ADK: variants seen among roughly 807,000 people sequenced by gnomAD.
The protein encoded by ADK is adenosine kinase.
In ADK, 24 loss-of-function variants were observed where a neutral mutation model predicts 44.7. The observed-to-expected ratio is 0.54, with a 90% CI of 0.39 to 0.76. The LOEUF (loss-of-function observed/expected upper bound fraction) is 0.76, where lower values mean the gene tolerates loss of function less well. Among genes scored for constraint, ADK ranks in the 30% least tolerant of loss-of-function variants. The probability of loss-of-function intolerance (pLI) is 0.00; values close to 1 mark genes in which losing one functional copy is unlikely to be tolerated. For synonymous variants in ADK, 128 were observed against 142.6 expected, an observed-to-expected ratio of 0.90 and a Z score of 0.73; for missense variants, 321 against 425.1, an observed-to-expected ratio of 0.76 and a Z score of 2.15.
At position 74,394,279 on chromosome 10, in the gene ADK, G is replaced by C; in HGVS notation, c.412G>C (p.Gly138Arg). 6.2e-7 allele frequency: 1 copy of C among 1,614,012 alleles called. No individual in the cohort carries two copies. ...HYYEQNEQPT[G>R]TCAACITGDN... ...CTACGAGCAGAATGAGCAGCCAACA[G>C]GAACTTGTGCTGCATGCATCACTGG... The change falls in exon 5 of 11, where the codon GGA (glycine) becomes CGA (arginine). Residue 138 changes from glycine to arginine, a missense_variant. Physicochemically the swap from Gly to Arg is moderately radical, Grantham distance 125. Coordinates refer to ENST00000539909, the MANE Select transcript of ADK (RefSeq NM_006721.4).
At chr10:74,561,396 C>G (rs1052675445) in intron 7 of ADK, among the ~76,000 whole-genome samples, 1 of 151,954 alleles carries the variant, frequency 6.6e-6, no homozygotes, top group Non-Finnish European at 1.5e-5. Flanking sequence ...AGGAAAGACA[C>G]AATGAAAAGA....
At chr10:74,233,702 A>G (rs1288326486) in intron 3 of ADK, among the ~76,000 whole-genome samples, 1 of 152,208 alleles carries the variant, frequency 6.6e-6, no homozygotes, top group African/African-American at 2.4e-5. Context: ...GGTTTAGATT[A>G]GTGCTTTTCT....
chr10:74,262,161 G>T (rs533309987), intron 3 of ADK, among the ~76,000 whole-genome samples: 9 of 151,952 alleles, frequency 5.9e-5, no homozygotes, highest in Non-Finnish European at 1.3e-4. Flanking sequence ...TCTACTAAAA[G>T]TACAAAAATT....
intron 6 of ADK, among the ~76,000 whole-genome samples, chr10:74,524,454 G>A (rs946540872): frequency 1.3e-5 from 2 of 152,120 alleles, no homozygotes; most frequent in African/African-American, 4.8e-5. Flanking sequence ...GTGCAGTGGT[G>A]TCATCTCGGC....
At chr10:74,475,085 A>C (rs1353186563) in intron 6 of ADK, among the ~76,000 whole-genome samples, 1 of 152,132 alleles carries the variant, frequency 6.6e-6, no homozygotes, top group Non-Finnish European at 1.5e-5. Flanking sequence ...AGTTCACGCC[A>C]CTGCACTCCA....
At chr10:74,691,432 C>T (rs1230992875) in intron 10 of ADK, among the ~76,000 whole-genome samples, 1 of 152,160 alleles carries the variant, frequency 6.6e-6, no homozygotes, top group African/African-American at 2.4e-5. Flanking sequence ...ATTAGCTTGT[C>T]ACTACTATAC....
At chr10:74,541,862 T>C (rs905383266) in intron 7 of ADK, among the ~76,000 whole-genome samples, 9 of 140,424 alleles carry the variant, frequency 6.4e-5, no homozygotes, top group African/African-American at 2.4e-4. Context: ...TGCGTTATAC[T>C]AAGATTTTAG....
At chr10:74,401,985 T>C (rs1003905113) in intron 6 of ADK, among the ~76,000 whole-genome samples, 2 of 152,228 alleles carry the variant, frequency 1.3e-5, no homozygotes, top group Non-Finnish European at 2.9e-5. Flanking sequence ...ATTTTATTTC[T>C]CCTTCACTTA....
chr10:74,583,985 G>A (rs1473016801), intron 7 of ADK, among the ~76,000 whole-genome samples: 1 of 152,128 alleles, frequency 6.6e-6, no homozygotes, highest in Non-Finnish European at 1.5e-5. Context: ...CTCCTAGAGC[G>A]AGGGCTCAGA....
At chr10:74,229,467 GGCTCACT>G (rs998607943) in intron 3 of ADK, among the ~76,000 whole-genome samples, 1 of 142,596 alleles carries the variant, frequency 7.0e-6, no homozygotes, top group African/African-American at 2.7e-5. Context: ...GCGTGATCTC[GGCTCACT>G]GCAAGCTCCG....
At chr10:74,266,446 A>T (rs1846216592) in intron 3 of ADK, among the ~76,000 whole-genome samples, 1 of 152,088 alleles carries the variant, frequency 6.6e-6, no homozygotes, top group African/African-American at 2.4e-5. Flanking sequence ...AATCCCAGCT[A>T]CTCAGGAGGC....
intron 7 of ADK, among the ~76,000 whole-genome samples, chr10:74,542,054 A>C (rs934104335): frequency 5.3e-5 from 8 of 152,090 alleles, no homozygotes; most frequent in African/African-American, 7.2e-5. Context: ...CAGCCTGGGC[A>C]ACATGGTATA....
intron 10 of ADK, among the ~76,000 whole-genome samples, chr10:74,698,548 T>TTTTTGTTTTG (rs762578832): frequency 6.6e-6 from 1 of 152,174 alleles, no homozygotes; most frequent in African/African-American, 2.4e-5. Context: ...AGAGCAGACT[T>TTTTTGTTTTG]TTTTGTTTTG....
At chr10:74,250,321 T>C (rs1473104023) in intron 3 of ADK, among the ~76,000 whole-genome samples, 1 of 152,136 alleles carries the variant, frequency 6.6e-6, no homozygotes, top group Non-Finnish European at 1.5e-5. Context: ...TATAGGGAGA[T>C]CAAAGGAGAA....
intron 3 of ADK, among the ~76,000 whole-genome samples, chr10:74,295,483 T>A (rs1038492612): frequency 6.6e-5 from 10 of 151,642 alleles, no homozygotes; most frequent in African/African-American, 2.4e-4. Flanking sequence ...AAAATTTTTT[T>A]AAATGAAAAA....
chr10:74,684,610 A>G lies in ADK; in HGVS notation c.964+14341A>G, dbSNP rs139423436. On this transcript the variant is annotated intron_variant, in intron 10 of 10. Coordinates refer to ENST00000539909, the MANE Select transcript of ADK (RefSeq NM_006721.4). ...ACATAGTGAGACTCCCATGTCTACA[A>G]AAAATTAATAAATTAGCCGGGCATG... is the stretch of plus-strand genomic sequence containing the variant. Among the ~76,000 whole-genome samples, 5 of 152,276 alleles carry G rather than the reference A, an allele frequency of 3.3e-5. No individual in the cohort carries two copies. In the East Asian group the frequency reaches 9.6e-4, roughly 29 times the overall value.
At chr10:74,324,293 G>C (rs1840931892) in intron 4 of ADK, among the ~76,000 whole-genome samples, 1 of 152,144 alleles carries the variant, frequency 6.6e-6, no homozygotes, top group South Asian at 2.1e-4. Context: ...GCCTCCCAAA[G>C]TGCTGGGATT....
In ADK at chr10:74,708,453, G is replaced by A; in HGVS notation, c.*8G>A. The A allele has an allele frequency of 6.2e-7, 1 of 1,609,800 alleles. No individual in the cohort carries two copies. Among genetic ancestry groups the A allele is most frequent in the Non-Finnish European group, 8.5e-7 (1 of 1,178,730 alleles). Reference sequence around the variant, plus strand: ...AAGCCAGACTTCCACTGATGGAAGAGCTGAAAACACAAGCCCAGGAGTGCA... The same window carrying A: ...AAGCCAGACTTCCACTGATGGAAGAACTGAAAACACAAGCCCAGGAGTGCA... On this transcript the variant is annotated 3_prime_UTR_variant, in exon 11 of 11. Coordinates refer to ENST00000539909, the MANE Select transcript of ADK (RefSeq NM_006721.4).
intron 7 of ADK, among the ~76,000 whole-genome samples, chr10:74,525,732 A>G (rs999493430): frequency 6.6e-6 from 1 of 151,788 alleles, no homozygotes; most frequent in Non-Finnish European, 1.5e-5. Flanking sequence ...TTGGCTCACT[A>G]CAACCTCTCC....
Sources: allele counts gnomAD v4.1 joint callset (sites outside exome capture counted in the v4.1 genomes callset), GRCh38; gene constraint gnomAD v4.1.1; transcripts MANE v1.5; gene names NCBI Gene and HGNC (gene_info 2026-07-23, HGNC 2026-07-21).